The following KCNJ1 variants were observed in gnomAD, a reference collection of about 807,000 sequenced individuals.
KCNJ1 encodes the protein ATP-sensitive inward rectifier potassium channel 1.
A neutral mutation model predicts 21.9 loss-of-function variants in KCNJ1; 24 were observed. The observed-to-expected ratio is 1.10, with a 90% CI of 0.79 to 1.54. The LOEUF is 1.54. Ranked by LOEUF, KCNJ1 falls within the 40% of genes most tolerant of loss-of-function variation. The probability of loss-of-function intolerance (pLI) is 0.00; values close to 1 mark genes in which losing one functional copy is unlikely to be tolerated. For missense variants in KCNJ1, 457 were observed against 455.4 expected, an observed-to-expected ratio of 1.00 and a Z score of -0.03; for synonymous variants, 152 against 160.9, an observed-to-expected ratio of 0.94 and a Z score of 0.42.
chr11:128,859,366 G>A (rs939970963), intron 1 of KCNJ1, among the ~76,000 whole-genome samples: 1 of 152,056 alleles, frequency 6.6e-6, no homozygotes, highest in African/African-American at 2.4e-5. Flanking sequence ...GGATCCTCCC[G>A]CCTCAGCCTC....
intron 1 of KCNJ1, among the ~76,000 whole-genome samples, chr11:128,856,275 T>C (rs1943588741): frequency 6.6e-6 from 1 of 151,842 alleles, no homozygotes; most frequent in Non-Finnish European, 1.5e-5. Context: ...AAGGATGCAA[T>C]TGTGCCAGAC....
At chr11:128,842,625 T>C (rs1943303712) in intron 2 of KCNJ1, 1 of 1,083,600 alleles carries the variant, frequency 9.2e-7, no homozygotes, top group Middle Eastern at 2.9e-4. Flanking sequence ...GCTGAATAGG[T>C]ATTTTTTCTT....
chr11:128,854,182 C>T lies in KCNJ1; in HGVS notation c.-191-3292G>A, dbSNP rs539667733. Among the ~76,000 whole-genome samples the T allele has an allele frequency of 2.3e-4, 35 of 152,356 alleles. No individual in the cohort carries two copies. The South Asian group carries it at 7.0e-3, about 31-fold the overall frequency. On this transcript the variant is annotated intron_variant, in intron 1 of 2. Coordinates refer to ENST00000392666, the MANE Select transcript of KCNJ1 (RefSeq NM_153766.3). ...GGCAGGTCTGTGGGATGGGAGGAAACTCACAGGGTCCCTCCTACTGCACCA... is the reference window on the plus strand; with the variant it reads ...GGCAGGTCTGTGGGATGGGAGGAAATTCACAGGGTCCCTCCTACTGCACCA...
chr11:128,860,617 T>G (rs1012183969), intron 1 of KCNJ1, among the ~76,000 whole-genome samples: 5 of 152,184 alleles, frequency 3.3e-5, no homozygotes, highest in Non-Finnish European at 7.3e-5. Context: ...GGGTGGGCCT[T>G]GTAACCCACA....
intron 2 of KCNJ1, 124 bp from the exon 3 acceptor site, chr11:128,840,388 G>T: frequency 1.1e-6 from 1 of 937,568 alleles, no homozygotes; most frequent in Non-Finnish European, 1.7e-6. Flanking sequence ...CTAATCATTT[G>T]GCAAGCTGAC....
At chr11:128,856,595 C>A (rs1943595345) in intron 1 of KCNJ1, among the ~76,000 whole-genome samples, 2 of 152,342 alleles carry the variant, frequency 1.3e-5, no homozygotes, top group South Asian at 4.1e-4. Context: ...CTAGCACCAT[C>A]TTCTTTTCCT....
At chr11:128,854,791 T>C (rs959545862) in intron 1 of KCNJ1, among the ~76,000 whole-genome samples, 1 of 152,194 alleles carries the variant, frequency 6.6e-6, no homozygotes, top group African/African-American at 2.4e-5. Context: ...CAAATCGTAA[T>C]GATCTGTTTG....
intron 2 of KCNJ1, among the ~76,000 whole-genome samples, chr11:128,842,909 T>C (rs1943311799): frequency 1.3e-5 from 2 of 152,170 alleles, no homozygotes; most frequent in Non-Finnish European, 2.9e-5. Flanking sequence ...CAGACATAAG[T>C]ACATATTTAC....
At chr11:128,840,981 A>T (rs980645071) in intron 2 of KCNJ1, among the ~76,000 whole-genome samples, 24 of 152,218 alleles carry the variant, frequency 1.6e-4, no homozygotes, top group African/African-American at 5.8e-4. Flanking sequence ...ATCAAATGTT[A>T]TATTCTAAAG....
intron 1 of KCNJ1, among the ~76,000 whole-genome samples, chr11:128,864,481 A>G (rs1323795487): frequency 1.3e-5 from 2 of 151,772 alleles, no homozygotes; most frequent in African/African-American, 4.8e-5. Context: ...TCTTTTTCCA[A>G]TTTCTGCACA....
At chr11:128,850,089 A>G (rs778151692) in intron 2 of KCNJ1, among the ~76,000 whole-genome samples, 8 of 151,956 alleles carry the variant, frequency 5.3e-5, no homozygotes, top group African/African-American at 9.7e-5. Flanking sequence ...GCCTCCAACC[A>G]TAGAGGCTGG....
At chr11:128,847,940 C>T (rs1245258912) in intron 2 of KCNJ1, among the ~76,000 whole-genome samples, 1 of 152,072 alleles carries the variant, frequency 6.6e-6, no homozygotes, top group Non-Finnish European at 1.5e-5. Context: ...GCAATCACGG[C>T]TCACTGCATC....
rs960313423 is a variant in KCNJ1 at position 128,838,878 on chromosome 11, T to G, written c.*247A>C. Reference sequence around the variant, plus strand: ...TGAGCTCAAATAATCATATTTAAGATTTCAAGAGAGCACCTATGTCTTCCA... The same window carrying G: ...TGAGCTCAAATAATCATATTTAAGAGTTCAAGAGAGCACCTATGTCTTCCA... On this transcript the variant is annotated 3_prime_UTR_variant, in exon 3 of 3. Coordinates refer to ENST00000392666, the MANE Select transcript of KCNJ1 (RefSeq NM_153766.3). 3.7e-6 allele frequency: 2 copies of G among 536,174 alleles called. No individual in the cohort carries two copies. Among genetic ancestry groups the G allele is most frequent in the Non-Finnish European group, 6.6e-6 (2 of 301,636 alleles). 33.2% of individuals were successfully genotyped at this position (536,174 alleles called of 1,614,324 possible).
Position 128,839,926 on chromosome 11 carries a change from A to C in KCNJ1, c.318T>G (p.Ile106Met), listed in dbSNP as rs1303222167. ...SANHTPCVENINGLTSAFLFS... is the reference protein window; with the variant it reads ...SANHTPCVENMNGLTSAFLFS... The stretch of plus-strand genomic sequence containing the variant: ...ACAGAAAAGCTGAGGTCAAGCCATT[A>C]ATATTCTCCACACAGGGAGTGTGAT... The change falls in exon 3 of 3, where the codon ATT (isoleucine) becomes ATG (methionine). Residue 106 changes from isoleucine (I) to methionine (M), a missense_variant. By Grantham distance (10) the Ile-to-Met change is conservative. Coordinates refer to ENST00000392666, the MANE Select transcript of KCNJ1 (RefSeq NM_153766.3). 6 of 1,614,072 alleles carry C rather than the reference A, an allele frequency of 3.7e-6. No homozygotes were observed. Among genetic ancestry groups the C allele is most frequent in the Admixed American group, 1.7e-5 (1 of 60,002 alleles).
intron 2 of KCNJ1, chr11:128,842,563 G>T (rs1943302198): frequency 1.3e-6 from 2 of 1,503,534 alleles, no homozygotes; most frequent in Admixed American, 4.3e-5. Context: ...TTTGATAGTG[G>T]AGTCGTGTGA....
chr11:128,849,670 C>G (rs1046868697), intron 2 of KCNJ1, among the ~76,000 whole-genome samples: 1 of 152,180 alleles, frequency 6.6e-6, no homozygotes, highest in African/African-American at 2.4e-5. Flanking sequence ...TAAGAAGCAG[C>G]CATGAGAGCA....
intron 2 of KCNJ1, among the ~76,000 whole-genome samples, chr11:128,842,087 A>G (rs1306103036): frequency 1.3e-5 from 2 of 152,246 alleles, no homozygotes. Flanking sequence ...CTCTCAGCTC[A>G]AATAGTAAAT....
At chr11:128,852,185 G>A (rs566124703) in intron 1 of KCNJ1, among the ~76,000 whole-genome samples, 47 of 152,274 alleles carry the variant, frequency 3.1e-4, no homozygotes, top group African/African-American at 1.1e-3. Flanking sequence ...GACATAGAAC[G>A]TGATCAAGCT....
At chr11:128,851,718 G>A (rs1052928754) in intron 1 of KCNJ1, among the ~76,000 whole-genome samples, 10 of 152,182 alleles carry the variant, frequency 6.6e-5, no homozygotes, top group South Asian at 4.1e-4. Context: ...ATGCTTTACC[G>A]AGCGTCTGCA....
Sources: gnomAD v4.1 joint callset for allele counts (sites outside exome capture counted in the v4.1 genomes callset) on GRCh38, gnomAD v4.1.1 for gene constraint, MANE v1.5 for transcripts, NCBI Gene and HGNC (gene_info 2026-07-23, HGNC 2026-07-21) for gene names.